Variants in GSK3B observed in about 807,000 individuals in gnomAD.
GSK3B encodes the protein glycogen synthase kinase-3 beta.
A neutral mutation model predicts 56.4 loss-of-function variants in GSK3B; 15 were observed. The ratio of observed to expected loss-of-function variants is 0.27; its 90% CI spans 0.18 to 0.41. GSK3B has a LOEUF of 0.41. Among genes scored for constraint, GSK3B ranks in the 10% least tolerant of loss-of-function variants. GSK3B has a pLI of 1.00. For synonymous variants in GSK3B, 181 were observed against 188.9 expected, an observed-to-expected ratio of 0.96 and a Z score of 0.34; for missense variants, 300 against 513.4, an observed-to-expected ratio of 0.58 and a Z score of 4.02.
Position 119,947,249 on chromosome 3 carries a change from C to T in GSK3B, c.366+19G>A, listed in dbSNP as rs1349038626. Reference sequence around the variant, plus strand: ...CAAATTTATCACAATATTCAGTACACACTTTGTGTCAAACCTACCTTCTCA... The same window carrying T: ...CAAATTTATCACAATATTCAGTACATACTTTGTGTCAAACCTACCTTCTCA... On this transcript the variant is annotated intron_variant, in intron 3 of 10. Coordinates refer to ENST00000264235, the MANE Select transcript of GSK3B (RefSeq NM_001146156.2). The T allele has an allele frequency of 1.5e-6, 2 of 1,303,542 alleles. No homozygotes were observed. The highest frequency in any genetic ancestry group is 2.2e-6 in the Non-Finnish European group (2 of 897,378). The allele number at this position is 1,303,542 out of a possible 1,614,324, so 80.7% of individuals were successfully genotyped here. A position where few individuals can be genotyped will look rare whatever the true frequency, so the allele number is the denominator to read the frequency against.
Position 119,821,693 on chromosome 3 carries a change from C to A in GSK3B, c.*5095G>T. ...CTTTCAGAGTTGTTTTCTTTCTTTT[C>A]TAAGCAGTGTCTGCAAAGCTTCCTC... On this transcript the variant is annotated 3_prime_UTR_variant, in exon 11 of 11. Transcript: ENST00000264235. The A allele has an allele frequency of 6.6e-6, 1 of 152,588 alleles. No individual in the cohort carries two copies. Among genetic ancestry groups the A allele is most frequent in the Non-Finnish European group, 1.5e-5 (1 of 68,264 alleles). The allele number at this position is 152,588 out of a possible 1,614,324, so 9.5% of individuals were successfully genotyped here. A position where few individuals can be genotyped will look rare whatever the true frequency, so the allele number is the denominator to read the frequency against.
At chr3:119,841,247 AAAC>A (rs1434694221) in intron 10 of GSK3B, among the ~76,000 whole-genome samples, 2 of 152,226 alleles carry the variant, frequency 1.3e-5, no homozygotes, top group Non-Finnish European at 2.9e-5. Context: ...ACCTGTATCA[AAAC>A]AACATGAAAA....
intron 10 of GSK3B, among the ~76,000 whole-genome samples, chr3:119,831,761 C>T (rs984348723): frequency 6.6e-6 from 1 of 152,092 alleles, no homozygotes; most frequent in Non-Finnish European, 1.5e-5. Context: ...GATATAAGTG[C>T]TCTGCAAACA....
At chr3:120,085,735 G>C (rs1031261555) in intron 1 of GSK3B, among the ~76,000 whole-genome samples, 2 of 152,162 alleles carry the variant, frequency 1.3e-5, no homozygotes, top group African/African-American at 4.8e-5. Flanking sequence ...CAGGCCTCGA[G>C]GTGGCGGTTG....
chr3:119,984,226 T>C (rs1391078913), intron 2 of GSK3B, among the ~76,000 whole-genome samples: 1 of 152,166 alleles, frequency 6.6e-6, no homozygotes, highest in Non-Finnish European at 1.5e-5. Context: ...GGGAAATTTA[T>C]AGCACTAAAT....
At chr3:120,054,825 C>G (rs1415074618) in intron 1 of GSK3B, among the ~76,000 whole-genome samples, 1 of 152,172 alleles carries the variant, frequency 6.6e-6, no homozygotes, top group Non-Finnish European at 1.5e-5. Context: ...AAAACAATAA[C>G]ACAGTGTCTT....
intron 2 of GSK3B, among the ~76,000 whole-genome samples, chr3:119,956,134 G>A (rs2057212337): frequency 6.6e-6 from 1 of 152,206 alleles, no homozygotes; most frequent in Non-Finnish European, 1.5e-5. Context: ...AATAGAAGGA[G>A]GGAGGTGACA....
At chr3:120,093,311 G>T in intron 1 of GSK3B, 36 bp downstream of exon 1, 1 of 1,297,228 alleles carries the variant, frequency 7.7e-7, no homozygotes, top group Non-Finnish European at 1.1e-6. Flanking sequence ...TTAAGGGCGA[G>T]GTGGAAAAGG....
chr3:120,014,334 T>C (rs886468279), intron 1 of GSK3B, among the ~76,000 whole-genome samples: 1 of 151,740 alleles, frequency 6.6e-6, no homozygotes, highest in Non-Finnish European at 1.5e-5. Flanking sequence ...ATAAACAAAC[T>C]GCTAGAAACA....
At chr3:120,029,992 T>G (rs1213538649) in intron 1 of GSK3B, 1 of 432,724 alleles carries the variant, frequency 2.3e-6, no homozygotes, top group East Asian at 5.7e-5. Flanking sequence ...GGCCTCCCAG[T>G]GTTTTCAGCT....
At chr3:120,022,671 G>T (rs530919191) in intron 1 of GSK3B, among the ~76,000 whole-genome samples, 4 of 152,250 alleles carry the variant, frequency 2.6e-5, no homozygotes, top group Non-Finnish European at 5.9e-5. Context: ...TCTTCAAGGC[G>T]GAAGAGTACT....
intron 3 of GSK3B, among the ~76,000 whole-genome samples, chr3:119,943,403 T>C (rs2057069081): frequency 6.6e-6 from 1 of 152,160 alleles, no homozygotes. Context: ...AAAATGCCTA[T>C]ACATATTATG....
intron 9 of GSK3B, among the ~76,000 whole-genome samples, chr3:119,847,974 A>C (rs536903367): frequency 1.3e-5 from 2 of 152,354 alleles, no homozygotes; most frequent in East Asian, 3.9e-4. Flanking sequence ...AGGATTTGAG[A>C]AACATCTGTT....
intron 4 of GSK3B, among the ~76,000 whole-genome samples, chr3:119,917,367 G>GT (rs2056791829): frequency 1.3e-5 from 2 of 152,128 alleles, no homozygotes; most frequent in Admixed American, 1.3e-4. Context: ...GATGTAAACT[G>GT]TACAGATAAG....
rs1467884036 is a variant in GSK3B, at chr3:119,874,381, AAATAG to A, written c.909+2027_909+2031del. 5.3e-5 allele frequency among the ~76,000 whole-genome samples: 8 copies of A among 152,234 alleles called. No individual in the cohort carries two copies. The South Asian group carries it at 1.2e-3, about 24-fold the overall frequency. The stretch of plus-strand genomic sequence containing the variant: ...AGGTTAACAACAATAACTAATAATA[AAATAG>A]AATAATTAGAATAATATCTATAATA... On this transcript the variant is annotated intron_variant, in intron 8 of 10. Coordinates refer to ENST00000264235, the MANE Select transcript of GSK3B (RefSeq NM_001146156.2).
intron 6 of GSK3B, among the ~76,000 whole-genome samples, chr3:119,910,430 G>A (rs1020379201): frequency 6.6e-6 from 1 of 152,048 alleles, no homozygotes; most frequent in African/African-American, 2.4e-5. Context: ...TAATAGAATT[G>A]TATAAAAACA....
intron 2 of GSK3B, among the ~76,000 whole-genome samples, chr3:119,972,468 C>T (rs112185136): frequency 1.4e-4 from 22 of 152,346 alleles, no homozygotes; most frequent in African/African-American, 5.3e-4. Context: ...CGGAGTCTCG[C>T]TCTGTAGTCC....
intron 1 of GSK3B, among the ~76,000 whole-genome samples, chr3:120,056,402 C>T (rs1044621924): frequency 1.3e-5 from 2 of 152,148 alleles, no homozygotes; most frequent in African/African-American, 2.4e-5. Flanking sequence ...TGCACTAGTA[C>T]GATCTTGGCT....
chr3:119,866,611 T>C (rs1223528857), intron 8 of GSK3B: 2 of 1,605,124 alleles, frequency 1.2e-6, no homozygotes, highest in South Asian at 1.1e-5. Flanking sequence ...AGGTGAAATG[T>C]CCTGTTCCTG....
Sources: allele counts gnomAD v4.1 joint callset (sites outside exome capture counted in the v4.1 genomes callset), GRCh38; gene constraint gnomAD v4.1.1; transcripts MANE v1.5; gene names NCBI Gene and HGNC (gene_info 2026-07-23, HGNC 2026-07-21).